Variants in CALCRL observed in about 807,000 individuals in gnomAD.
CALCRL encodes calcitonin receptor like receptor.
CALCRL carries 27 observed loss-of-function variants against 60.4 expected under a neutral mutation model. That is an observed-to-expected ratio of 0.45 (90% CI 0.33 to 0.62). The LOEUF (loss-of-function observed/expected upper bound fraction) is 0.62, where lower values mean the gene tolerates loss of function less well. Among genes scored for constraint, CALCRL ranks in the 20% least tolerant of loss-of-function variants. The pLI is 0.03. For synonymous variants in CALCRL, 190 were observed against 182.6 expected (o/e 1.04, Z -0.33); for missense variants, 424 against 540.7 (o/e 0.78, Z 2.14).
At chr2:187,358,766 G>T (rs1686914827) in intron 12 of CALCRL, among the ~76,000 whole-genome samples, 1 of 152,116 alleles carries the variant, frequency 6.6e-6, no homozygotes. Context: ...CTCTTACTGG[G>T]TGACTCCTCC....
rs1282280638 is a variant in CALCRL, at chr2:187,376,267, A to AT, written c.500+2672dup. 5.3e-5 allele frequency among the ~76,000 whole-genome samples: 8 copies of AT among 151,854 alleles called. No homozygotes were observed. In the South Asian group the frequency reaches 6.3e-4, roughly 12 times the overall value. On this transcript the variant is annotated intron_variant, in intron 8 of 14. Transcript: ENST00000392370. ...TTTTTTAAATTTTTTTAATTGAGCT[A>AT]TTTTTTTCTCTGTTTATTATACCAA...
intron 8 of CALCRL, among the ~76,000 whole-genome samples, chr2:187,375,258 G>A (rs1169117653): frequency 4.2e-5 from 5 of 119,898 alleles, no homozygotes; most frequent in African/African-American, 1.3e-4. Flanking sequence ...CGGCCTGGGC[G>A]ACAGAGCGAG....
chr2:187,360,485 G>T, intron 10 of CALCRL, 113 bp downstream of exon 10: 1 of 883,134 alleles, frequency 1.1e-6, no homozygotes, highest in Non-Finnish European at 1.7e-6. Flanking sequence ...TTAATCACCT[G>T]ATATTCTTTA....
At chr2:187,378,874 T>C (rs1012629749) in intron 8 of CALCRL, 66 bp downstream of exon 8, 5 of 830,036 alleles carry the variant, frequency 6.0e-6, no homozygotes, top group African/African-American at 3.4e-5. Context: ...GATGTAAATA[T>C]GCACATGATG....
intron 1 of CALCRL, among the ~76,000 whole-genome samples, chr2:187,406,990 A>G (rs926460051): frequency 1.3e-5 from 2 of 151,994 alleles, no homozygotes; most frequent in African/African-American, 4.8e-5. Flanking sequence ...TGAACTCATA[A>G]CTTCTTTAGT....
intron 9 of CALCRL, among the ~76,000 whole-genome samples, chr2:187,361,494 T>C (rs1687053975): frequency 1.3e-5 from 2 of 151,970 alleles, no homozygotes; most frequent in Admixed American, 6.6e-5. Flanking sequence ...CTCCAGTTTC[T>C]AGTCTGAAAA....
Position 187,400,220 on chromosome 2 carries a change from CA to C in CALCRL, c.-292-12465del, listed in dbSNP as rs533813557. The stretch of plus-strand genomic sequence containing the variant: ...ATAAATAGGTAAAATTATTATGTGT[CA>C]TTTTTTTAAAAAAATTGATGGGCAA... On this transcript the variant is annotated intron_variant, in intron 1 of 14. Coordinates refer to ENST00000392370, the MANE Select transcript of CALCRL (RefSeq NM_005795.6). Among the ~76,000 whole-genome samples, 507 of 151,332 alleles carry C rather than the reference CA, an allele frequency of 3.4e-3. 2 individuals carry two copies. The highest frequency in any genetic ancestry group is 0.012 in the African/African-American group (493 of 41,396).
chr2:187,377,637 A>C (rs183404191), intron 8 of CALCRL, among the ~76,000 whole-genome samples: 1 of 152,312 alleles, frequency 6.6e-6, no homozygotes, highest in East Asian at 1.9e-4. Context: ...AAAATAGTAC[A>C]AACTATGGGA....
chr2:187,354,188 C>T (rs903278963), intron 12 of CALCRL, among the ~76,000 whole-genome samples: 6 of 151,984 alleles, frequency 3.9e-5, no homozygotes, highest in African/African-American at 1.2e-4. Context: ...AAACCTTTAA[C>T]TGACATACTC....
chr2:187,350,007 G>C (rs1686455928), intron 14 of CALCRL, among the ~76,000 whole-genome samples: 2 of 151,636 alleles, frequency 1.3e-5, no homozygotes, highest in Non-Finnish European at 3.0e-5. Flanking sequence ...TAGAGAACTT[G>C]CTTTAATTTC....
At chr2:187,437,933 A>G (rs183823521) in intron 1 of CALCRL, among the ~76,000 whole-genome samples, 85 of 152,256 alleles carry the variant, frequency 5.6e-4, no homozygotes, top group African/African-American at 1.8e-3. Context: ...TACAACTTTG[A>G]CACATTTTAT....
At chr2:187,378,799 A>T in intron 8 of CALCRL, 141 bp downstream of exon 8, 1 of 541,222 alleles carries the variant, frequency 1.8e-6, no homozygotes, top group Non-Finnish European at 3.3e-6. Context: ...CAAAGCTAAG[A>T]TCAACTTATT....
chr2:187,389,700 A>T (rs1226351955), intron 1 of CALCRL, among the ~76,000 whole-genome samples: 2 of 152,106 alleles, frequency 1.3e-5, no homozygotes, highest in East Asian at 3.9e-4. Context: ...TCATTTTTTC[A>T]GGATGGTGGG....
intron 3 of CALCRL, among the ~76,000 whole-genome samples, chr2:187,386,171 A>AT (rs1688200080): frequency 8.3e-6 from 1 of 120,274 alleles, no homozygotes; most frequent in Non-Finnish European, 1.8e-5. Context: ...AACAACTTGC[A>AT]TTTTTTGCCT....
intron 1 of CALCRL, among the ~76,000 whole-genome samples, chr2:187,407,004 G>T (rs370105395): frequency 6.6e-6 from 1 of 151,260 alleles, no homozygotes; most frequent in Non-Finnish European, 1.5e-5. Flanking sequence ...CTTTAGTTTC[G>T]CTCCACCTTA....
At chr2:187,435,849 GGTGT>G (rs1690614569) in intron 1 of CALCRL, among the ~76,000 whole-genome samples, 1 of 127,304 alleles carries the variant, frequency 7.9e-6, no homozygotes, top group Non-Finnish European at 1.6e-5. Flanking sequence ...CTTGAATCAA[GGTGT>G]GTGTGTTTGT....
In CALCRL at chr2:187,410,955, A is replaced by G. The variant is rs554445143; in HGVS notation, c.-292-23199T>C. ...GGGATTTAAATATTTTATCTAGTGC[A>G]TTATCCTTCCGACTTTTATATAAAA... On this transcript the variant is annotated intron_variant, in intron 1 of 14. Coordinates refer to ENST00000392370, the MANE Select transcript of CALCRL (RefSeq NM_005795.6). Among the ~76,000 whole-genome samples the G allele has an allele frequency of 3.7e-4, 57 of 152,156 alleles. 1 individual carries two copies. The highest frequency in any genetic ancestry group is 9.8e-4 in the Admixed American group (15 of 15,294).
intron 1 of CALCRL, among the ~76,000 whole-genome samples, chr2:187,439,775 T>G (rs942761723): frequency 6.6e-6 from 1 of 152,180 alleles, no homozygotes; most frequent in Non-Finnish European, 1.5e-5. Context: ...CAGGTAATTC[T>G]TAATTCTCCT....
intron 1 of CALCRL, among the ~76,000 whole-genome samples, chr2:187,447,214 T>C (rs905008141): frequency 1.3e-5 from 2 of 152,048 alleles, no homozygotes; most frequent in African/African-American, 4.8e-5. Flanking sequence ...TCTAATATAC[T>C]TCTTTGGGAA....
Sources: gnomAD v4.1 joint callset for allele counts (sites outside exome capture counted in the v4.1 genomes callset) on GRCh38, gnomAD v4.1.1 for gene constraint, MANE v1.5 for transcripts, NCBI Gene and HGNC (gene_info 2026-07-23, HGNC 2026-07-21) for gene names.